MYH15: variants seen among roughly 807,000 people sequenced by gnomAD.
The protein encoded by MYH15 is myosin heavy chain 15.
In MYH15, 227 loss-of-function variants were observed where a neutral mutation model predicts 240.5. That is an observed-to-expected ratio of 0.94 (90% CI 0.85 to 1.05). The LOEUF (loss-of-function observed/expected upper bound fraction) is 1.05, where lower values mean the gene tolerates loss of function less well. MYH15 is among the 50% of genes least tolerant of loss of function. The probability of loss-of-function intolerance (pLI) is 0.00; values close to 1 mark genes in which losing one functional copy is unlikely to be tolerated. For synonymous variants in MYH15, 785 were observed against 796.7 expected, an observed-to-expected ratio of 0.99 and a Z score of 0.25; for missense variants, 2,217 against 2,247.5, an observed-to-expected ratio of 0.99 and a Z score of 0.27.
intron 22 of MYH15, among the ~76,000 whole-genome samples, chr3:108,443,956 C>T (rs1282093942): frequency 1.7e-5 from 2 of 114,798 alleles, no homozygotes; most frequent in African/African-American, 3.5e-5. Context: ...AATGAGAACA[C>T]ATGGACACAG....
rs528580599 is a variant in MYH15, at chr3:108,470,915, A to G, written c.1234-68T>C. 53 of 1,512,432 alleles carry G rather than the reference A, an allele frequency of 3.5e-5. No individual in the cohort carries two copies. The African/African-American group carries it at 4.8e-4, about 14-fold the overall frequency. The allele number at this position is 1,512,432 out of a possible 1,614,324, so 93.7% of individuals were successfully genotyped here. ...TTCATTTTAATCCCGGGCATTCTCT[A>G]TCAGCAACTGCCTTCTAGTCAAATT... On this transcript the variant is annotated intron_variant, in intron 12 of 40. Transcript: ENST00000693548.
intron 32 of MYH15, among the ~76,000 whole-genome samples, chr3:108,406,704 G>A (rs984887200): frequency 1.3e-5 from 2 of 152,174 alleles, no homozygotes; most frequent in Non-Finnish European, 2.9e-5. Flanking sequence ...TGTCCAAGTT[G>A]ATGAAGTATT....
chr3:108,467,927 G>A (rs1200119677), intron 14 of MYH15, among the ~76,000 whole-genome samples: 1 of 151,344 alleles, frequency 6.6e-6, no homozygotes, highest in Non-Finnish European at 1.5e-5. Flanking sequence ...AACAATTAAA[G>A]TTTGTGTTAG....
chr3:108,453,891 C>A (rs1342146053), intron 21 of MYH15, 115 bp downstream of exon 21: 16 of 1,063,822 alleles, frequency 1.5e-5, no homozygotes, highest in Non-Finnish European at 2.1e-5. Context: ...ATGTTTAAGA[C>A]CCAGCCTAAG....
chr3:108,413,098 C>A (rs1232362271), intron 30 of MYH15, among the ~76,000 whole-genome samples: 1 of 152,106 alleles, frequency 6.6e-6, no homozygotes, highest in Non-Finnish European at 1.5e-5. Flanking sequence ...CAAAAGAAAC[C>A]ATCAAACAGA....
chr3:108,406,019 C>T (rs1333795689), intron 32 of MYH15, among the ~76,000 whole-genome samples: 2 of 152,166 alleles, frequency 1.3e-5, no homozygotes, highest in Non-Finnish European at 2.9e-5. Context: ...ATAATTGGTA[C>T]CACTACTGCA....
intron 25 of MYH15, 74 bp downstream of exon 25, chr3:108,437,480 T>C (rs974594257): frequency 2.7e-5 from 41 of 1,535,032 alleles, no homozygotes; most frequent in Middle Eastern, 3.5e-4. Context: ...GTCCTAAGGA[T>C]AAATGAAATG....
intron 33 of MYH15, among the ~76,000 whole-genome samples, chr3:108,400,160 A>G (rs892822782): frequency 6.6e-6 from 1 of 152,212 alleles, no homozygotes; most frequent in African/African-American, 2.4e-5. Context: ...TGATGGCCAC[A>G]TACAGAAGGT....
At chr3:108,399,483 G>A (rs1015268071) in intron 33 of MYH15, among the ~76,000 whole-genome samples, 7 of 152,176 alleles carry the variant, frequency 4.6e-5, no homozygotes, top group Non-Finnish European at 7.3e-5. Flanking sequence ...GGACTACGTA[G>A]GGTTTCCAGA....
upstream of MYH15, among the ~76,000 whole-genome samples, chr3:108,512,570 C>T: frequency 6.6e-6 from 1 of 152,058 alleles, no homozygotes; most frequent in East Asian, 1.9e-4. Flanking sequence ...TGAAACATAC[C>T]TAAGAAATGG....
At chr3:108,547,647 G>A in the MYH15 span, among the ~76,000 whole-genome samples, 1 of 152,120 alleles carries the variant, frequency 6.6e-6, no homozygotes, top group African/African-American at 2.4e-5. Context: ...TGTATTAACT[G>A]AAAAACTCTA....
At chr3:108,495,718 A>C (rs1050509802) in intron 7 of MYH15, 62 bp downstream of exon 7, 3 of 1,326,248 alleles carry the variant, frequency 2.3e-6, no homozygotes, top group Admixed American at 3.8e-5. Context: ...GTGCTTACAT[A>C]TAAGTTTTAC....
At chr3:108,411,695 T>C (rs2082594437) in intron 30 of MYH15, among the ~76,000 whole-genome samples, 1 of 152,220 alleles carries the variant, frequency 6.6e-6, no homozygotes, top group South Asian at 2.1e-4. Flanking sequence ...TTGCTGGCAG[T>C]CCCATTCTTA....
chr3:108,498,036 C>G lies in MYH15; in HGVS notation c.618+16G>C, dbSNP rs577782179. On this transcript the variant is annotated intron_variant, in intron 6 of 40. Coordinates refer to ENST00000693548, the MANE Select transcript of MYH15 (RefSeq NM_014981.3). ...GGGCCACCTCATCTTTTCTACCAAG[C>G]TATATAAACACTTACCTGCTTTTTC... The G allele has an allele frequency of 6.2e-7, 1 of 1,609,478 alleles. No homozygotes were observed. Among genetic ancestry groups the G allele is most frequent in the African/African-American group, 1.3e-5 (1 of 74,904 alleles).
Position 108,476,612 on chromosome 3 carries a change from T to C in MYH15, c.1115-97A>G, listed in dbSNP as rs77075860. Reference sequence around the variant, plus strand: ...ACTAACTACCCAGAGGACAGAAAGATAGTGTGTTTACATCAGCGTAGCAAA... The same window carrying C: ...ACTAACTACCCAGAGGACAGAAAGACAGTGTGTTTACATCAGCGTAGCAAA... On this transcript the variant is annotated intron_variant, in intron 11 of 40. Coordinates refer to ENST00000693548, the MANE Select transcript of MYH15 (RefSeq NM_014981.3). The C allele has an allele frequency of 2.8e-3, 2,167 of 779,266 alleles. 16 individuals carry two copies. Among genetic ancestry groups the C allele is most frequent in the African/African-American group, 0.019 (1,099 of 58,026 alleles). The allele number at this position is 779,266 out of a possible 1,614,324, so 48.3% of individuals were successfully genotyped here.
At chr3:108,499,982 A>G (rs1463200013) in intron 4 of MYH15, 136 bp downstream of exon 4, 8 of 1,031,706 alleles carry the variant, frequency 7.8e-6, no homozygotes, top group Non-Finnish European at 1.1e-5. Context: ...TTTTATCCAG[A>G]AGGAAACAGA....
At chr3:108,416,596 C>T (rs2082634933) in intron 29 of MYH15, among the ~76,000 whole-genome samples, 1 of 152,164 alleles carries the variant, frequency 6.6e-6, no homozygotes, top group Non-Finnish European at 1.5e-5. Flanking sequence ...GGAACACACA[C>T]TTTGCTTGCT....
upstream of MYH15, among the ~76,000 whole-genome samples, chr3:108,531,748 G>C (rs950519017): frequency 4.6e-5 from 7 of 151,860 alleles, no homozygotes; most frequent in African/African-American, 1.7e-4. Context: ...CTGCACTCCA[G>C]CCTGGGCGAC....
intron 7 of MYH15, among the ~76,000 whole-genome samples, chr3:108,493,925 C>T (rs903645854): frequency 1.4e-4 from 21 of 152,178 alleles, no homozygotes; most frequent in Middle Eastern, 3.2e-3. Context: ...AAATAATAGA[C>T]GGGCACCCTT....
Sources: allele counts gnomAD v4.1 joint callset (sites outside exome capture counted in the v4.1 genomes callset), GRCh38; gene constraint gnomAD v4.1.1; transcripts MANE v1.5; gene names NCBI Gene and HGNC (gene_info 2026-07-23, HGNC 2026-07-21).